Variants in DLGAP1 observed in about 807,000 individuals in gnomAD.
DLGAP1 encodes DLG associated protein 1, also known as disks large-associated protein 1.
A neutral mutation model predicts 90.8 loss-of-function variants in DLGAP1; 11 were observed. The ratio of observed to expected loss-of-function variants is 0.12; its 90% CI spans 0.08 to 0.20. DLGAP1 has a LOEUF of 0.20. Among genes scored for constraint, DLGAP1 ranks in the 10% least tolerant of loss-of-function variants. DLGAP1 has a pLI of 1.00. For missense variants in DLGAP1, 1,050 were observed against 1,333.8 expected, an observed-to-expected ratio of 0.79 and a Z score of 3.31; for synonymous variants, 558 against 540.7, an observed-to-expected ratio of 1.03 and a Z score of -0.44.
intron 2 of DLGAP1, among the ~76,000 whole-genome samples, chr18:4,016,543 G>C (rs191011148): frequency 6.6e-6 from 1 of 152,140 alleles, no homozygotes; most frequent in African/African-American, 2.4e-5. Context: ...ATGAAGGAAG[G>C]CTTAACCATT....
chr18:3,625,737 A>G (rs2058269877), intron 7 of DLGAP1, among the ~76,000 whole-genome samples: 1 of 152,206 alleles, frequency 6.6e-6, no homozygotes. Flanking sequence ...AAAACAGAAA[A>G]AAAAAGGAAA....
chr18:3,528,138 C>T (rs367668860), intron 10 of DLGAP1, among the ~76,000 whole-genome samples: 4 of 152,134 alleles, frequency 2.6e-5, no homozygotes, highest in South Asian at 2.1e-4. Context: ...TATGGCACCA[C>T]GTTTGTCAGG....
chr18:4,157,669 G>A lies in DLGAP1; in HGVS notation c.-266-6382C>T, dbSNP rs1410409748. Among the ~76,000 whole-genome samples the A allele has an allele frequency of 4.6e-5, 7 of 152,178 alleles. No homozygotes were observed. In the South Asian group the frequency reaches 1.4e-3, roughly 32 times the overall value. On this transcript the variant is annotated intron_variant, in intron 1 of 12. Coordinates refer to ENST00000315677, the MANE Select transcript of DLGAP1 (RefSeq NM_004746.4). ...GACAGTGAGCATCAAGGGAGCAGGG[G>A]CTGTCTGCACACTGTGCACATGCTC...
chr18:3,518,413 T>G (rs546999392), intron 10 of DLGAP1, among the ~76,000 whole-genome samples: 1 of 152,144 alleles, frequency 6.6e-6, no homozygotes, highest in African/African-American at 2.4e-5. Context: ...ACTTGAAATA[T>G]TGTGAGAATT....
chr18:3,662,692 C>G (rs1378976631), intron 7 of DLGAP1, among the ~76,000 whole-genome samples: 1 of 152,328 alleles, frequency 6.6e-6, no homozygotes, highest in East Asian at 1.9e-4. Flanking sequence ...GATCCAAGAG[C>G]CGCAGAGAAT....
chr18:4,031,821 T>C (rs1210416881), intron 2 of DLGAP1, among the ~76,000 whole-genome samples: 1 of 152,152 alleles, frequency 6.6e-6, no homozygotes, highest in Non-Finnish European at 1.5e-5. Flanking sequence ...GACAAGAAAA[T>C]AGTGCTTCAA....
intron 7 of DLGAP1, among the ~76,000 whole-genome samples, chr18:3,657,377 A>C (rs1336575996): frequency 6.6e-6 from 1 of 152,126 alleles, no homozygotes; most frequent in East Asian, 1.9e-4. Flanking sequence ...AGCTGCTTTT[A>C]AGTTTGTTTC....
chr18:4,077,923 C>A (rs1165524078), intron 2 of DLGAP1, among the ~76,000 whole-genome samples: 1 of 152,102 alleles, frequency 6.6e-6, no homozygotes, highest in African/African-American at 2.4e-5. Context: ...ATAGAAAGTG[C>A]CAGTTTGCTT....
chr18:3,954,886 T>C (rs1417974230), intron 3 of DLGAP1, among the ~76,000 whole-genome samples: 2 of 152,134 alleles, frequency 1.3e-5, no homozygotes, highest in African/African-American at 2.4e-5. Context: ...GCCCCCAAAT[T>C]GCCCCTGCTT....
chr18:3,679,519 T>C (rs183324015), intron 7 of DLGAP1, among the ~76,000 whole-genome samples: 219 of 151,500 alleles, frequency 1.4e-3, no homozygotes, highest in Admixed American at 3.2e-3. Flanking sequence ...GTTTTCATCA[T>C]CCCCTTCTGT....
At position 3,522,546 on chromosome 18, in the gene DLGAP1, C is replaced by CT. The variant is rs532794429; in HGVS notation, c.2479+11647dup. Among the ~76,000 whole-genome samples the CT allele has an allele frequency of 1.6e-3, 191 of 116,538 alleles. 5 individuals are homozygous for CT. The highest frequency in any genetic ancestry group is 5.9e-3 in the Middle Eastern group (1 of 170). The allele number at this position is 116,538 out of a possible 152,430, so 76.5% of individuals were successfully genotyped here. Reference sequence around the variant, plus strand: ...ACTTTAAAGACACGTGCAGTCAACTCTTTTTTTTTTTTTTTTTTGGAGACC... The same window carrying CT: ...ACTTTAAAGACACGTGCAGTCAACTCTTTTTTTTTTTTTTTTTTTGGAGACC... On this transcript the variant is annotated intron_variant, in intron 10 of 12. Transcript: ENST00000315677.
At chr18:4,433,420 A>G (rs182815883) in intron 1 of DLGAP1, among the ~76,000 whole-genome samples, 31 of 152,340 alleles carry the variant, frequency 2.0e-4, no homozygotes, top group Admixed American at 1.6e-3. Flanking sequence ...AGTTACCAAA[A>G]CCAAACTTCT....
At chr18:3,861,070 C>G (rs909120145) in intron 4 of DLGAP1, among the ~76,000 whole-genome samples, 4 of 152,174 alleles carry the variant, frequency 2.6e-5, no homozygotes, top group Non-Finnish European at 5.9e-5. Flanking sequence ...AGAGTAGGAA[C>G]TGTTTTAGAA....
intron 7 of DLGAP1, among the ~76,000 whole-genome samples, chr18:3,713,176 G>A (rs548867332): frequency 1.3e-5 from 2 of 152,296 alleles, no homozygotes; most frequent in South Asian, 4.1e-4. Flanking sequence ...CCGTTTCTCT[G>A]TTTCCCTGCT....
chr18:3,843,772 T>C (rs2068851162), intron 4 of DLGAP1, among the ~76,000 whole-genome samples: 1 of 152,192 alleles, frequency 6.6e-6, no homozygotes, highest in Admixed American at 6.5e-5. Flanking sequence ...GTAACATATG[T>C]CTGTCTTATT....
chr18:3,532,798 T>A (rs140411061), intron 10 of DLGAP1, among the ~76,000 whole-genome samples: 132 of 152,218 alleles, frequency 8.7e-4, no homozygotes, highest in African/African-American at 2.9e-3. Flanking sequence ...CAGAGGAAAA[T>A]AAACATACAA....
chr18:4,384,312 G>A (rs551418082), intron 1 of DLGAP1, among the ~76,000 whole-genome samples: 25 of 152,190 alleles, frequency 1.6e-4, no homozygotes, highest in African/African-American at 6.0e-4. Flanking sequence ...TTAATATGTT[G>A]AAATTTATTA....
At chr18:3,959,905 G>C (rs2073163958) in intron 3 of DLGAP1, among the ~76,000 whole-genome samples, 1 of 152,150 alleles carries the variant, frequency 6.6e-6, no homozygotes, top group African/African-American at 2.4e-5. Flanking sequence ...TTGGAATGAA[G>C]TGTGCCTTTT....
chr18:3,697,782 G>T (rs2061144190), intron 7 of DLGAP1, among the ~76,000 whole-genome samples: 1 of 152,008 alleles, frequency 6.6e-6, no homozygotes, highest in Non-Finnish European at 1.5e-5. Context: ...TTGACAGAGG[G>T]GTGTTTAAGT....
Sources: gnomAD v4.1 joint callset for allele counts (sites outside exome capture counted in the v4.1 genomes callset) on GRCh38, gnomAD v4.1.1 for gene constraint, MANE v1.5 for transcripts, NCBI Gene and HGNC (gene_info 2026-07-23, HGNC 2026-07-21) for gene names.